FAM177A1: variants seen among roughly 807,000 people sequenced by gnomAD.
FAM177A1 encodes protein FAM177A1.
FAM177A1 carries 22 observed loss-of-function variants against 26.1 expected under a neutral mutation model. The ratio of observed to expected loss-of-function variants is 0.84; its 90% CI spans 0.60 to 1.20. The LOEUF (loss-of-function observed/expected upper bound fraction) is 1.20. FAM177A1 is among the 50% of genes most tolerant of loss of function. The pLI is 0.00. For missense variants in FAM177A1, 296 were observed against 291.1 expected, an observed-to-expected ratio of 1.02 and a Z score of -0.12; for synonymous variants, 95 against 99.3, an observed-to-expected ratio of 0.96 and a Z score of 0.26.
At chr14:35,046,793 G>C (rs192374939) in intron 1 of FAM177A1, 165 bp downstream of exon 1, 1 of 1,381,630 alleles carries the variant, frequency 7.2e-7, no homozygotes. Flanking sequence ...CCAGCTTGTG[G>C]GAAGGAGCGC....
At chr14:35,048,509 G>C (rs1488071679) in intron 1 of FAM177A1, among the ~76,000 whole-genome samples, 1 of 150,832 alleles carries the variant, frequency 6.6e-6, no homozygotes. Flanking sequence ...TAACTATTAA[G>C]TTTTGGTGTA....
intron 1 of FAM177A1, among the ~76,000 whole-genome samples, chr14:35,051,087 C>T (rs2044960798): frequency 6.6e-6 from 1 of 151,990 alleles, no homozygotes; most frequent in Non-Finnish European, 1.5e-5. Context: ...ACATAGGTAG[C>T]CTATGTTACC....
chr14:35,079,054 C>A, intron 4 of FAM177A1, 30 bp downstream of exon 4: 2 of 1,532,122 alleles, frequency 1.3e-6, no homozygotes, highest in South Asian at 1.3e-5. Context: ...TTTCTTGATT[C>A]AGTTTGGTTT....
rs780897288 is a variant in FAM177A1, at chr14:35,081,195, A to G, written c.678A>G (p.Glu226=). 6.2e-7 allele frequency: 1 copy of G among 1,613,624 alleles called. No homozygotes were observed. ...EMEGDSEVIM[E]SKQNPVSVPP ...AGGGAGACAGTGAAGTAATTATGGA[A>G]AGCAAGCAAAATCCAGTCTCTGTCC... The change falls in exon 5 of 5, where the codon GAA becomes GAG. Residue 226 remains glutamate (E), a synonymous_variant. Coordinates refer to ENST00000280987, the MANE Select transcript of FAM177A1 (RefSeq NM_173607.5).
intron 2 of FAM177A1, among the ~76,000 whole-genome samples, chr14:35,075,112 C>T (rs138146971): frequency 1.5e-3 from 224 of 152,242 alleles, no homozygotes; most frequent in African/African-American, 5.1e-3. Flanking sequence ...TTTGGATAAA[C>T]GTATTGGTAC....
chr14:35,045,525 TA>T (rs1040545745), upstream of FAM177A1, among the ~76,000 whole-genome samples: 7 of 152,192 alleles, frequency 4.6e-5, no homozygotes, highest in South Asian at 2.1e-4. Context: ...AAATGGAATT[TA>T]AAGTATCAAA....
chr14:35,080,043 C>T (rs966193541), intron 4 of FAM177A1, among the ~76,000 whole-genome samples: 26 of 63,382 alleles, frequency 4.1e-4, no homozygotes, highest in African/African-American at 1.3e-3. Flanking sequence ...TTATACTAGC[C>T]TCCTAAATGG....
intron 2 of FAM177A1, among the ~76,000 whole-genome samples, chr14:35,065,394 A>G (rs2045226534): frequency 8.0e-6 from 1 of 124,712 alleles, no homozygotes; most frequent in African/African-American, 3.1e-5. Flanking sequence ...CAACATTCTC[A>G]TTTCTGTTCA....
Position 35,053,286 on chromosome 14 carries a change from CGAAA to C in FAM177A1, c.177_180del (p.Arg60AlafsTer5). On this transcript the variant is annotated frameshift_variant, in exon 2 of 5. Transcript: ENST00000280987. LOFTEE classifies it high-confidence loss of function. ...AAATATCGTTGATATAGATGAGTAACGAAAGAGGCTTTGAAAATGTAGAACTGGG... is the reference window on the plus strand; with the variant it reads ...AAATATCGTTGATATAGATGAGTAACGAGGCTTTGAAAATGTAGAACTGGG... The C allele has an allele frequency of 6.2e-7, 1 of 1,609,404 alleles. No homozygotes were observed. Among genetic ancestry groups the C allele is most frequent in the Non-Finnish European group, 8.5e-7 (1 of 1,178,910 alleles).
At chr14:35,079,708 TA>T (rs2045450371) in intron 4 of FAM177A1, among the ~76,000 whole-genome samples, 1 of 152,014 alleles carries the variant, frequency 6.6e-6, no homozygotes, top group Non-Finnish European at 1.5e-5. Context: ...TTAAATACAT[TA>T]ATATATAAAA....
intron 2 of FAM177A1, among the ~76,000 whole-genome samples, chr14:35,069,849 G>A (rs2045291056): frequency 6.6e-6 from 1 of 151,670 alleles, no homozygotes; most frequent in Non-Finnish European, 1.5e-5. Context: ...TAGACGTGGT[G>A]GCTCACACCT....
chr14:35,053,490 T>G, intron 2 of FAM177A1, 39 bp downstream of exon 2: 1 of 1,597,928 alleles, frequency 6.3e-7, no homozygotes, highest in South Asian at 1.1e-5. Context: ...CAGTGGGCTT[T>G]GTTTTGATTT....
At position 35,081,227 on chromosome 14, in the gene FAM177A1, AAAATG is replaced by A; in HGVS notation, c.*6_*10del. 1 of 1,606,752 alleles carries A rather than the reference AAAATG, an allele frequency of 6.2e-7. No homozygotes were observed. The highest frequency in any genetic ancestry group is 8.5e-7 in the Non-Finnish European group (1 of 1,178,066). On this transcript the variant is annotated stop_retained_variant and 3_prime_UTR_variant, in exon 5 of 5. Coordinates refer to ENST00000280987, the MANE Select transcript of FAM177A1 (RefSeq NM_173607.5). ...CAAAATCCAGTCTCTGTCCCACCAT[AAAATG>A]AAATGACTATCAAGCTTCAAACTCT... is the stretch of plus-strand genomic sequence containing the variant.
intron 3 of FAM177A1, among the ~76,000 whole-genome samples, chr14:35,077,599 C>G (rs2045417933): frequency 6.6e-6 from 1 of 151,014 alleles, no homozygotes; most frequent in Non-Finnish European, 1.5e-5. Flanking sequence ...TCGCCTGCCT[C>G]AGCCTCCCGA....
intron 3 of FAM177A1, 54 bp downstream of exon 3, chr14:35,077,270 A>G (rs2045410842): frequency 1.3e-6 from 2 of 1,501,632 alleles, no homozygotes; most frequent in Non-Finnish European, 1.9e-6. Context: ...CTTCAGCAAC[A>G]GGAACTTTGC....
At chr14:35,054,206 C>T (rs1381911662) in intron 2 of FAM177A1, among the ~76,000 whole-genome samples, 1 of 152,020 alleles carries the variant, frequency 6.6e-6, no homozygotes, top group South Asian at 2.1e-4. Flanking sequence ...CAGAGTGAGA[C>T]TCCATCTCAA....
At chr14:35,065,204 C>T (rs1465099744) in intron 2 of FAM177A1, among the ~76,000 whole-genome samples, 3 of 149,706 alleles carry the variant, frequency 2.0e-5, no homozygotes, top group Admixed American at 1.3e-4. Context: ...CGGAGTCTCT[C>T]TCTCTCTCGC....
upstream of FAM177A1, chr14:35,046,138 T>C (rs376475543): frequency 2.8e-5 from 6 of 212,038 alleles, no homozygotes; most frequent in South Asian, 5.7e-4. Context: ...CAGGTACACG[T>C]ACCAGAAATG....
At chr14:35,080,526 C>T (rs763257561) in intron 4 of FAM177A1, among the ~76,000 whole-genome samples, 3 of 152,122 alleles carry the variant, frequency 2.0e-5, no homozygotes, top group Non-Finnish European at 4.4e-5. Flanking sequence ...TTGGGCTGAG[C>T]GCGGTGGCTC....
Sources: gnomAD v4.1 joint callset for allele counts (sites outside exome capture counted in the v4.1 genomes callset) on GRCh38, gnomAD v4.1.1 for gene constraint, MANE v1.5 for transcripts, NCBI Gene and HGNC (gene_info 2026-07-23, HGNC 2026-07-21) for gene names.